Variants in PLCG2 observed in about 807,000 individuals in gnomAD.
The protein encoded by PLCG2 is 1-phosphatidylinositol 4,5-bisphosphate phosphodiesterase gamma-2.
A neutral mutation model predicts 175.6 loss-of-function variants in PLCG2; 69 were observed. That is an observed-to-expected ratio of 0.39 (90% confidence interval 0.32 to 0.48). PLCG2 has a LOEUF of 0.48. Among genes scored for constraint, PLCG2 ranks in the 20% least tolerant of loss-of-function variants. The pLI, the probability that PLCG2 is intolerant of heterozygous loss-of-function variation, is 0.91. For synonymous variants in PLCG2, 827 were observed against 624.0 expected (o/e 1.33, Z -4.85); for missense variants, 1,798 against 1,650.9 (o/e 1.09, Z -1.54).
intron 13 of PLCG2, among the ~76,000 whole-genome samples, chr16:81,899,289 T>TATATATATATACACACACACACAC (rs908648451): frequency 3.1e-3 from 290 of 92,426 alleles, no homozygotes; most frequent in African/African-American, 0.01. Context: ...TATATATATA[T>TATATATATATACACACACACACAC]ACACACACAC....
intron 5 of PLCG2, among the ~76,000 whole-genome samples, chr16:81,867,965 C>G (rs1907327785): frequency 6.6e-6 from 1 of 152,234 alleles, no homozygotes; most frequent in South Asian, 2.1e-4. Flanking sequence ...TCCCAAAGTG[C>G]TGGGATTACA....
intron 2 of PLCG2, among the ~76,000 whole-genome samples, chr16:81,832,290 G>T (rs988551317): frequency 1.3e-5 from 2 of 152,204 alleles, no homozygotes; most frequent in Non-Finnish European, 2.9e-5. Flanking sequence ...CGCTCCACAT[G>T]GCAGCCACAT....
In PLCG2 at chr16:81,816,407, T is replaced by C. The variant is rs945690199; in HGVS notation, c.193+30225T>C. 2.6e-5 allele frequency among the ~76,000 whole-genome samples: 4 copies of C among 152,132 alleles called. 1 individual carries two copies. Among genetic ancestry groups the C allele is most frequent in the Non-Finnish European group, 4.4e-5 (3 of 68,018 alleles). On this transcript the variant is annotated intron_variant, in intron 2 of 32. Transcript: ENST00000564138. ...AAATTAGGCTTCAGATACTGAACTA[T>C]CTGGCATATCCTATTTTGGGACCAT...
intron 18 of PLCG2, 138 bp downstream of exon 18, chr16:81,910,858 G>A (rs997587715): frequency 1.1e-5 from 8 of 761,118 alleles, no homozygotes; most frequent in African/African-American, 5.2e-5. Flanking sequence ...CAAAATTGCC[G>A]AGGTGGCCAG....
intron 14 of PLCG2, 52 bp downstream of exon 14, chr16:81,900,832 T>TTCCCCGGCTCTGGG (rs1567523640): frequency 1.3e-6 from 2 of 1,531,298 alleles, no homozygotes; most frequent in South Asian, 1.2e-5. Flanking sequence ...AGTGGCTCGG[T>TTCCCCGGCTCTGGG]TCCCCGGCTC....
intron 2 of PLCG2, among the ~76,000 whole-genome samples, chr16:81,760,257 C>T (rs935068049): frequency 6.6e-6 from 1 of 152,166 alleles, no homozygotes; most frequent in Admixed American, 6.6e-5. Context: ...TGGGATTGCT[C>T]GAGTAGAGCA....
At chr16:81,897,282 T>G (rs184214889) in intron 13 of PLCG2, among the ~76,000 whole-genome samples, 267 of 152,360 alleles carry the variant, frequency 1.8e-3, no homozygotes, top group Middle Eastern at 0.014. Flanking sequence ...TGGGGTAGAA[T>G]AGCAGTTACG....
At chr16:81,871,482 A>G (rs1907512229) in intron 7 of PLCG2, among the ~76,000 whole-genome samples, 1 of 152,030 alleles carries the variant, frequency 6.6e-6, no homozygotes. Flanking sequence ...GGGATTGCAG[A>G]CGTGCGCCAC....
At chr16:81,848,413 G>A (rs1298195841) in intron 2 of PLCG2, among the ~76,000 whole-genome samples, 2 of 152,182 alleles carry the variant, frequency 1.3e-5, no homozygotes, top group South Asian at 2.1e-4. Flanking sequence ...GTGCGGATGT[G>A]CAGGGCTGCT....
chr16:81,843,021 C>T (rs138733190), intron 2 of PLCG2, among the ~76,000 whole-genome samples: 90 of 134,234 alleles, frequency 6.7e-4, no homozygotes, highest in African/African-American at 2.5e-3. Flanking sequence ...TGGGAAGACC[C>T]GAGGTGATGC....
intron 26 of PLCG2, 86 bp downstream of exon 26, chr16:81,934,617 A>C (rs1910633022): frequency 1.2e-6 from 1 of 833,972 alleles, no homozygotes; most frequent in Admixed American, 2.0e-5. Context: ...GGGGGCAGAG[A>C]GTGCATTCTC....
chr16:81,821,434 G>A (rs1044450512), intron 2 of PLCG2, among the ~76,000 whole-genome samples: 2 of 152,116 alleles, frequency 1.3e-5, no homozygotes, highest in Non-Finnish European at 2.9e-5. Context: ...ATGTGTAGTT[G>A]GGCAGCCTCG....
intron 5 of PLCG2, among the ~76,000 whole-genome samples, chr16:81,863,037 A>C (rs961475277): frequency 3.3e-5 from 5 of 152,228 alleles, no homozygotes; most frequent in African/African-American, 1.2e-4. Context: ...TATTGTGGTA[A>C]CAACAATGAA....
intron 7 of PLCG2, among the ~76,000 whole-genome samples, chr16:81,879,207 C>T (rs1002181153): frequency 2.1e-4 from 32 of 152,178 alleles, no homozygotes; most frequent in Admixed American, 2.0e-3. Flanking sequence ...TGTAAATAAG[C>T]TGGGTGTGGG....
At chr16:81,756,077 G>C (rs556935829) in intron 2 of PLCG2, 152 of 154,146 alleles carry the variant, frequency 9.9e-4, no homozygotes, top group African/African-American at 3.4e-3. Flanking sequence ...CAGTGTGTCT[G>C]GGAGGAAAGA....
chr16:81,840,133 C>G (rs1035243824), intron 2 of PLCG2, among the ~76,000 whole-genome samples: 1 of 152,208 alleles, frequency 6.6e-6, no homozygotes. Context: ...CTCATTTTCT[C>G]ATTGTCTCCT....
In PLCG2 at chr16:81,931,478, C is replaced by G; in HGVS notation, c.2582-19C>G. The G allele has an allele frequency of 1.9e-6, 3 of 1,612,290 alleles. No individual in the cohort carries two copies. Among genetic ancestry groups the G allele is most frequent in the Non-Finnish European group, 2.5e-6 (3 of 1,178,818 alleles). Reference sequence around the variant, plus strand: ...CTCTAATAGGCTGATTGGGACATTTCTTATTCTCTTACCCCAAGTGAAAGC... The same window carrying G: ...CTCTAATAGGCTGATTGGGACATTTGTTATTCTCTTACCCCAAGTGAAAGC... On this transcript the variant is annotated intron_variant, in intron 24 of 32. Transcript: ENST00000564138.
At chr16:81,751,638 A>C (rs1909814261) in intron 1 of PLCG2, among the ~76,000 whole-genome samples, 1 of 152,238 alleles carries the variant, frequency 6.6e-6, no homozygotes, top group South Asian at 2.1e-4. Flanking sequence ...ATCACAAAAA[A>C]GTTAAGTGTT....
intron 2 of PLCG2, among the ~76,000 whole-genome samples, chr16:81,774,061 G>A (rs530918382): frequency 1.3e-5 from 2 of 151,534 alleles, no homozygotes; most frequent in African/African-American, 4.9e-5. Flanking sequence ...GTCGGGCACA[G>A]TGACTTATGC....
Sources: allele counts gnomAD v4.1 joint callset (sites outside exome capture counted in the v4.1 genomes callset), GRCh38; gene constraint gnomAD v4.1.1; transcripts MANE v1.5; gene names NCBI Gene and HGNC (gene_info 2026-07-23, HGNC 2026-07-21).